The following HMX3 variants were observed in gnomAD, a reference collection of about 807,000 sequenced individuals.
HMX3 encodes H6 family homeobox 3.
In HMX3, 8 loss-of-function variants were observed where a neutral mutation model predicts 22.8. That is an observed-to-expected ratio of 0.35 (90% CI 0.21 to 0.63). The LOEUF is 0.63. Among genes scored for constraint, HMX3 ranks in the 30% least tolerant of loss-of-function variants. The pLI is 0.72. For synonymous variants in HMX3, 331 were observed against 250.9 expected (o/e 1.32, Z -3.02); for missense variants, 527 against 520.6 (o/e 1.01, Z -0.12).
In HMX3 at chr10:123,138,891, A is replaced by T. The variant is rs2133550883; in HGVS notation, c.*1160A>T. Among the ~76,000 whole-genome samples, 1 of 152,284 alleles carries T rather than the reference A, an allele frequency of 6.6e-6. No individual in the cohort carries two copies. Among genetic ancestry groups the T allele is most frequent in the Admixed American group, 6.5e-5 (1 of 15,296 alleles). On this transcript the variant is annotated 3_prime_UTR_variant, in exon 2 of 2. Transcript: ENST00000357878. ...GAGTAATTTCAGTATTTTTAATATG[A>T]TATCTTTTATCCTCTCCTCTTACTT...
rs769447368 is a variant in HMX3 at position 123,137,914 on chromosome 10, C to T, written c.*183C>T. Among the ~76,000 whole-genome samples, 1 of 152,226 alleles carries T rather than the reference C, an allele frequency of 6.6e-6. No homozygotes were observed. The highest frequency in any genetic ancestry group is 1.5e-5 in the Non-Finnish European group (1 of 68,038). The stretch of plus-strand genomic sequence containing the variant: ...TAAGTATTTGCAATGCATTTTCGTG[C>T]AATTCATCCCTAATGGATTGGAGGC... On this transcript the variant is annotated 3_prime_UTR_variant, in exon 2 of 2. Coordinates refer to ENST00000357878, the MANE Select transcript of HMX3 (RefSeq NM_001105574.2). This position sits in a 1 kb window ranked among gnomAD's most constrained non-coding sequence, Gnocchi z 5.8.
At position 123,138,358 on chromosome 10, in the gene HMX3, C is replaced by G. The variant is rs1844101426; in HGVS notation, c.*627C>G. Among the ~76,000 whole-genome samples the G allele has an allele frequency of 6.6e-6, 1 of 152,088 alleles. No individual in the cohort carries two copies. The highest frequency in any genetic ancestry group is 1.5e-5 in the Non-Finnish European group (1 of 68,002). ...AGAGACGCGGTTTCACCATGTTGGC[C>G]AGGCTGGTCTTGAGCTCCTGACCTC... On this transcript the variant is annotated 3_prime_UTR_variant, in exon 2 of 2. Transcript: ENST00000357878.
rs1844077032 is a variant in HMX3 at position 123,136,457 on chromosome 10, A to AC, written c.400+9dup. 1 of 1,402,602 alleles carries AC rather than the reference A, an allele frequency of 7.1e-7. No individual in the cohort carries two copies. The highest frequency in any genetic ancestry group is 1.5e-5 in the African/African-American group (1 of 66,550). The allele number at this position is 1,402,602 out of a possible 1,614,324, so 86.9% of individuals were successfully genotyped here. On this transcript the variant is annotated splice_region_variant and intron_variant, in intron 1 of 1. Transcript: ENST00000357878. This position sits in a 1 kb window ranked among gnomAD's most constrained non-coding sequence, Gnocchi z 4.8. ...CACCTCCCGCGACCTGAAGGTACCG[A>AC]CCTCTCTTTGAACTTTCGTTGTCCC...
rs896863623 is a variant in HMX3 at position 123,136,909 on chromosome 10, G to A, written c.401-149G>A. The A allele has an allele frequency of 3.2e-6, 3 of 924,874 alleles. No homozygotes were observed. Among genetic ancestry groups the A allele is most frequent in the African/African-American group, 3.4e-5 (2 of 59,484 alleles). The allele number at this position is 924,874 out of a possible 1,614,324, so 57.3% of individuals were successfully genotyped here. On this transcript the variant is annotated intron_variant, in intron 1 of 1. Transcript: ENST00000357878. The surrounding 1 kb of genome is among the most constrained non-coding windows in gnomAD (Gnocchi z 4.8). The stretch of plus-strand genomic sequence containing the variant: ...TCGGCGTCCCTTCTCTGGCCCAGCC[G>A]AGAAGGAGGCAGCCCGCGGGAATGG...
rs1404609219 is a variant in HMX3 at position 123,138,290 on chromosome 10, C to T, written c.*559C>T. Among the ~76,000 whole-genome samples, 1 of 151,942 alleles carries T rather than the reference C, an allele frequency of 6.6e-6. No individual in the cohort carries two copies. The highest frequency in any genetic ancestry group is 2.4e-5 in the African/African-American group (1 of 41,350). ...TCAGCCTCCCGAGTAGCTGGGATTG[C>T]AGGTGTGTGCCACCACGTCCGGCTA... On this transcript the variant is annotated 3_prime_UTR_variant, in exon 2 of 2. Coordinates refer to ENST00000357878, the MANE Select transcript of HMX3 (RefSeq NM_001105574.2).
In HMX3 at chr10:123,137,758, G is replaced by T. The variant is rs1370722347; in HGVS notation, c.*27G>T. 7 of 1,402,398 alleles carry T rather than the reference G, an allele frequency of 5.0e-6. No individual in the cohort carries two copies. The highest frequency in any genetic ancestry group is 2.7e-5 in the East Asian group (1 of 36,908). 86.9% of individuals were successfully genotyped at this position (1,402,398 alleles called of 1,614,324 possible). A position where few individuals can be genotyped will look rare whatever the true frequency, so the allele number is the denominator to read the frequency against. ...GCCCCAGAGGGGTGGGGGAGGGAGCGCCCGGCCTCCTTGTCCGGACCCCGG... is the reference window on the plus strand; with the variant it reads ...GCCCCAGAGGGGTGGGGGAGGGAGCTCCCGGCCTCCTTGTCCGGACCCCGG... On this transcript the variant is annotated 3_prime_UTR_variant, in exon 2 of 2. Coordinates refer to ENST00000357878, the MANE Select transcript of HMX3 (RefSeq NM_001105574.2). The surrounding 1 kb of genome is among the most constrained non-coding windows in gnomAD (Gnocchi z 5.8).
rs1844067349 is a variant in HMX3 at position 123,136,036 on chromosome 10, G to A, written c.-15G>A. 4 of 1,336,950 alleles carry A rather than the reference G, an allele frequency of 3.0e-6. No individual in the cohort carries two copies. The highest frequency in any genetic ancestry group is 2.1e-5 in the South Asian group (1 of 47,942). The allele number at this position is 1,336,950 out of a possible 1,614,324, so 82.8% of individuals were successfully genotyped here. On this transcript the variant is annotated 5_prime_UTR_variant, in exon 1 of 2. Transcript: ENST00000357878. This position sits in a 1 kb window ranked among gnomAD's most constrained non-coding sequence, Gnocchi z 4.8. Reference sequence around the variant, plus strand: ...CCCGCTCCCTCCCTCCCGGGGACCCGGAGGAGAGGGGACCATGCCGGAACC... The same window carrying A: ...CCCGCTCCCTCCCTCCCGGGGACCCAGAGGAGAGGGGACCATGCCGGAACC...
At position 123,136,172 on chromosome 10, in the gene HMX3, A is replaced by G; in HGVS notation, c.122A>G (p.His41Arg). ...ATCAAGAACCTGCTCAACGGAGACC[A>G]CCACCGGCCGCCCCCTAAGCCTCAG... ...FSIKNLLNGDHHRPPPKPQPP... is the reference protein window; with the variant it reads ...FSIKNLLNGDRHRPPPKPQPP... Residue 41 changes from histidine (H) to arginine (R), a missense_variant, in exon 1 of 2, where the codon CAC (histidine) becomes CGC (arginine). This residue lies in a region of HMX3 where 386 missense variants were observed against 337.8 expected (regional missense o/e 1.14). Coordinates refer to ENST00000357878, the MANE Select transcript of HMX3 (RefSeq NM_001105574.2). The surrounding 1 kb of genome is among the most constrained non-coding windows in gnomAD (Gnocchi z 4.8). The G allele has an allele frequency of 2.4e-6, 3 of 1,273,490 alleles. No individual in the cohort carries two copies. The highest frequency in any genetic ancestry group is 2.0e-6 in the Non-Finnish European group (2 of 994,642). The allele number at this position is 1,273,490 out of a possible 1,614,324, so 78.9% of individuals were successfully genotyped here.
rs374078073 is a variant in HMX3 at position 123,136,312 on chromosome 10, G to A, written c.262G>A (p.Val88Met). 256 of 1,557,256 alleles carry A rather than the reference G, an allele frequency of 1.6e-4. No homozygotes were observed. The highest frequency in any genetic ancestry group is 7.4e-5 in the Non-Finnish European group (85 of 1,153,028). ...CGCCGCGGGCTTCGCGCTCTCGCAG[G>A]TGGGCGACCTGGCTTTCCCTCGCTT... ...EGAAGFALSQVGDLAFPRFEI... is the reference protein window; with the variant it reads ...EGAAGFALSQMGDLAFPRFEI... Residue 88 changes from valine to methionine, a missense_variant, in exon 1 of 2, where the codon GTG becomes ATG. Physicochemically the swap from Val to Met is conservative, Grantham distance 21 (BLOSUM62 1). Transcript: ENST00000357878. The surrounding 1 kb of genome is among the most constrained non-coding windows in gnomAD (Gnocchi z 4.8).
Position 123,136,252 on chromosome 10 carries a change from G to C in HMX3, c.202G>C (p.Ala68Pro). The C allele has an allele frequency of 7.4e-7, 1 of 1,356,028 alleles. No individual in the cohort carries two copies. 84.0% of individuals were successfully genotyped at this position (1,356,028 alleles called of 1,614,324 possible). A position where few individuals can be genotyped will look rare whatever the true frequency, so the allele number is the denominator to read the frequency against. The change falls in exon 1 of 2, where the codon GCC becomes CCC. Residue 68 changes from alanine to proline, a missense_variant. Coordinates refer to ENST00000357878, the MANE Select transcript of HMX3 (RefSeq NM_001105574.2). This position sits in a 1 kb window ranked among gnomAD's most constrained non-coding sequence, Gnocchi z 4.8. ...CTCGGCTGCCGCCGCCGCCGCCGCT[G>C]CCGCTGCCGCGGCGGCCAAGGGGGC... is the stretch of plus-strand genomic sequence containing the variant. ...PASAAAAAAA[A>P]AAAAAKGALE...
rs1323165971 is a variant in HMX3, at chr10:123,136,769, A to T, written c.401-289A>T. Among the ~76,000 whole-genome samples the T allele has an allele frequency of 1.3e-5, 2 of 152,134 alleles. No homozygotes were observed. The highest frequency in any genetic ancestry group is 2.9e-5 in the Non-Finnish European group (2 of 68,028). ...GGAGGGGGTGATTCCAATGCGCCTAAGCCGAAAGGGAACCGTTCTGCCGGC... is the reference window on the plus strand; with the variant it reads ...GGAGGGGGTGATTCCAATGCGCCTATGCCGAAAGGGAACCGTTCTGCCGGC... On this transcript the variant is annotated intron_variant, in intron 1 of 1. Coordinates refer to ENST00000357878, the MANE Select transcript of HMX3 (RefSeq NM_001105574.2). The surrounding 1 kb of genome is among the most constrained non-coding windows in gnomAD (Gnocchi z 4.8).
chr10:123,137,620 T>TGCAGCCGCGGGGGCC lies in HMX3; in HGVS notation c.964_978dup (p.Ala322_Ala326dup). 6.4e-7 allele frequency: 1 copy of TGCAGCCGCGGGGGCC among 1,550,610 alleles called. No homozygotes were observed. Among genetic ancestry groups the TGCAGCCGCGGGGGCC allele is most frequent in the Non-Finnish European group, 8.6e-7 (1 of 1,156,364 alleles). On this transcript the variant is annotated inframe_insertion, in exon 2 of 2. Transcript: ENST00000357878. The surrounding 1 kb of genome is among the most constrained non-coding windows in gnomAD (Gnocchi z 5.8). ...ACTCGGCGGCCGAGGGCGCGGCGGC[T>TGCAGCCGCGGGGGCC]GCAGCCGCGGGGGCCCCGGTGCCAG...
chr10:123,137,050 C>A lies in HMX3; in HGVS notation c.401-8C>A, dbSNP rs771018922. 14 of 1,597,200 alleles carry A rather than the reference C, an allele frequency of 8.8e-6. No homozygotes were observed. In the South Asian group the frequency reaches 1.6e-4, roughly 18 times the overall value. On this transcript the variant is annotated splice_region_variant and splice_polypyrimidine_tract_variant and intron_variant, in intron 1 of 1. Coordinates refer to ENST00000357878, the MANE Select transcript of HMX3 (RefSeq NM_001105574.2). This position sits in a 1 kb window ranked among gnomAD's most constrained non-coding sequence, Gnocchi z 5.8. Reference sequence around the variant, plus strand: ...CATGTGTGTGCGTCCGTCTGTCTGTCTCCCCAGCCTCGGAGAAGGCCTTGC... The same window carrying A: ...CATGTGTGTGCGTCCGTCTGTCTGTATCCCCAGCCTCGGAGAAGGCCTTGC...
At position 123,136,394 on chromosome 10, in the gene HMX3, C is replaced by A; in HGVS notation, c.344C>A (p.Ala115Asp). 1.3e-6 allele frequency: 2 copies of A among 1,559,734 alleles called. No individual in the cohort carries two copies. The highest frequency in any genetic ancestry group is 2.6e-5 in the East Asian group (1 of 38,888). ...LPAHYLERSP[A>D]WWYPYTLTPA... Reference sequence around the variant, plus strand: ...GCGCACTACCTGGAGCGCTCCCCAGCCTGGTGGTACCCCTACACCCTGACC... The same window carrying A: ...GCGCACTACCTGGAGCGCTCCCCAGACTGGTGGTACCCCTACACCCTGACC... Residue 115 changes from alanine to aspartate, a missense_variant, in exon 1 of 2, where the codon GCC becomes GAC. Coordinates refer to ENST00000357878, the MANE Select transcript of HMX3 (RefSeq NM_001105574.2). The surrounding 1 kb of genome is among the most constrained non-coding windows in gnomAD (Gnocchi z 4.8).
Position 123,137,578 on chromosome 10 carries a change from C to T in HMX3, c.921C>T (p.Pro307=). ...HAAAQRIVRV[P]ILYHENSAAE... is the part of the protein sequence containing the mutation. ...CGGCGCAGCGCATCGTGCGGGTGCCCATCCTCTACCACGAGAACTCGGCGG... is the reference window on the plus strand; with the variant it reads ...CGGCGCAGCGCATCGTGCGGGTGCCTATCCTCTACCACGAGAACTCGGCGG... The change falls in exon 2 of 2, where the codon CCC becomes CCT. Residue 307 remains proline (P), a synonymous_variant. Coordinates refer to ENST00000357878, the MANE Select transcript of HMX3 (RefSeq NM_001105574.2). This position sits in a 1 kb window ranked among gnomAD's most constrained non-coding sequence, Gnocchi z 5.8. 6.2e-7 allele frequency: 1 copy of T among 1,603,402 alleles called. No homozygotes were observed. Among genetic ancestry groups the T allele is most frequent in the East Asian group, 2.2e-5 (1 of 44,670 alleles).
At position 123,137,530 on chromosome 10, in the gene HMX3, G is replaced by A; in HGVS notation, c.873G>A (p.Glu291=). Residue 291 remains glutamate, a synonymous_variant, in exon 2 of 2, where the codon GAG becomes GAA. Transcript: ENST00000357878. The surrounding 1 kb of genome is among the most constrained non-coding windows in gnomAD (Gnocchi z 5.8). The stretch of plus-strand genomic sequence containing the variant: ...AGCGGCAGCTGGCGGCGGAGCTGGA[G>A]GCGGCCAACCTGAGCCATGCCGCGG... ...KWKRQLAAEL[E]AANLSHAAAQ... is the part of the protein sequence containing the mutation. The A allele has an allele frequency of 6.2e-7, 1 of 1,612,054 alleles. No individual in the cohort carries two copies. The highest frequency in any genetic ancestry group is 8.5e-7 in the Non-Finnish European group (1 of 1,179,780).
In HMX3 at chr10:123,137,217, A is replaced by C. The variant is rs771994241; in HGVS notation, c.560A>C (p.Lys187Thr). 6.3e-7 allele frequency: 1 copy of C among 1,597,596 alleles called. No homozygotes were observed. Among genetic ancestry groups the C allele is most frequent in the Non-Finnish European group, 8.5e-7 (1 of 1,172,238 alleles). The change falls in exon 2 of 2, where the codon AAG becomes ACG. Residue 187 changes from lysine (K) to threonine (T), a missense_variant. Physicochemically the swap from Lys to Thr is moderately conservative, Grantham distance 78 (BLOSUM62 -1). This residue lies in a region of HMX3 where 386 missense variants were observed against 337.8 expected (regional missense o/e 1.14). Transcript: ENST00000357878. This position sits in a 1 kb window ranked among gnomAD's most constrained non-coding sequence, Gnocchi z 5.8. Reference sequence around the variant, plus strand: ...GAGAGCGACTCCGAGGAAAGCAAAAAGGAAGGCGAAGCGGCGCCAGGCGCG... The same window carrying C: ...GAGAGCGACTCCGAGGAAAGCAAAACGGAAGGCGAAGCGGCGCCAGGCGCG... ...LEESDSEESK[K>T]EGEAAPGAAG...
rs1844102955 is a variant in HMX3, at chr10:123,138,466, T to C, written c.*735T>C. Among the ~76,000 whole-genome samples the C allele has an allele frequency of 6.6e-6, 1 of 152,202 alleles. No individual in the cohort carries two copies. The highest frequency in any genetic ancestry group is 1.5e-5 in the Non-Finnish European group (1 of 68,034). ...CCCGGCCTAGTTTATTCCTTTTCTA[T>C]AGAACTGTTTTCAGAATCCAGAGAG... is the stretch of plus-strand genomic sequence containing the variant. On this transcript the variant is annotated 3_prime_UTR_variant, in exon 2 of 2. Coordinates refer to ENST00000357878, the MANE Select transcript of HMX3 (RefSeq NM_001105574.2).
chr10:123,139,346 A>G lies in HMX3; in HGVS notation c.*1615A>G, dbSNP rs886076714. On this transcript the variant is annotated 3_prime_UTR_variant, in exon 2 of 2. Coordinates refer to ENST00000357878, the MANE Select transcript of HMX3 (RefSeq NM_001105574.2). Reference sequence around the variant, plus strand: ...TTGAGTCCCTTTTTAAGAAAAAGAGAAAAAAAAAACCCACAAAATATTGTT... The same window carrying G: ...TTGAGTCCCTTTTTAAGAAAAAGAGGAAAAAAAAACCCACAAAATATTGTT... 1.0e-5 allele frequency among the ~76,000 whole-genome samples: 1 copy of G among 99,022 alleles called. No homozygotes were observed. The highest frequency in any genetic ancestry group is 3.6e-5 in the African/African-American group (1 of 27,972). 65.0% of individuals were successfully genotyped at this position (99,022 alleles called of 152,430 possible).
Sources: gnomAD v4.1 joint callset for allele counts (sites outside exome capture counted in the v4.1 genomes callset) on GRCh38, gnomAD v4.1.1 for gene constraint, gnomAD v4.1.1 regional missense constraint, Gnocchi (gnomAD v3.1) non-coding constraint, MANE v1.5 for transcripts, NCBI Gene and HGNC (gene_info 2026-07-23, HGNC 2026-07-21) for gene names.